Variants in MBD5 observed in about 807,000 individuals in gnomAD.
MBD5 encodes methyl-CpG binding domain protein 5, also known as methyl-CpG-binding domain protein 5.
Under a neutral mutation model 117.3 loss-of-function variants are expected in MBD5, and 13 were observed. The ratio of observed to expected loss-of-function variants is 0.11; its 90% CI spans 0.07 to 0.18. The LOEUF (loss-of-function observed/expected upper bound fraction) is 0.18. MBD5 is among the 10% of genes least tolerant of loss of function. The probability of loss-of-function intolerance (pLI) is 1.00; values close to 1 mark genes in which losing one functional copy is unlikely to be tolerated. For synonymous variants in MBD5, 727 were observed against 766.4 expected, an observed-to-expected ratio of 0.95 and a Z score of 0.85; for missense variants, 1,879 against 2,093.8, an observed-to-expected ratio of 0.90 and a Z score of 2.00.
chr2:148,283,213 T>G (rs994369105), intron 3 of MBD5, among the ~76,000 whole-genome samples: 3 of 152,144 alleles, frequency 2.0e-5, no homozygotes, highest in African/African-American at 7.2e-5. Flanking sequence ...TGATTGCATG[T>G]CTTTGTTACA....
chr2:148,117,509 A>G (rs1185060398), intron 1 of MBD5, among the ~76,000 whole-genome samples: 1 of 152,196 alleles, frequency 6.6e-6, no homozygotes, highest in East Asian at 1.9e-4. Flanking sequence ...TAGATATTGT[A>G]TAGAAAGCAG....
intron 1 of MBD5, among the ~76,000 whole-genome samples, chr2:148,171,805 C>T (rs1274217650): frequency 3.3e-5 from 5 of 152,138 alleles, no homozygotes; most frequent in African/African-American, 1.2e-4. Flanking sequence ...AAATCAGAAG[C>T]GTTTCTATAC....
intron 4 of MBD5, among the ~76,000 whole-genome samples, chr2:148,393,957 G>C (rs753183199): frequency 6.6e-6 from 1 of 152,190 alleles, no homozygotes; most frequent in African/African-American, 2.4e-5. Context: ...GAAAAGAAAA[G>C]GTTATGCTTA....
intron 3 of MBD5, among the ~76,000 whole-genome samples, chr2:148,282,129 C>T (rs1048294189): frequency 2.0e-5 from 3 of 152,020 alleles, no homozygotes; most frequent in East Asian, 1.9e-4. Flanking sequence ...ATACTTTATC[C>T]GTAATTGCTG....
At chr2:148,189,224 G>GC (rs1241308393) in intron 2 of MBD5, among the ~76,000 whole-genome samples, 1 of 147,938 alleles carries the variant, frequency 6.8e-6, no homozygotes, top group Admixed American at 6.7e-5. Context: ...AAACAAAGCA[G>GC]CCGGGAAGCT....
At chr2:148,160,498 G>T (rs958284634) in intron 1 of MBD5, among the ~76,000 whole-genome samples, 7 of 152,136 alleles carry the variant, frequency 4.6e-5, no homozygotes, top group African/African-American at 1.7e-4. Context: ...GAGTAGTGTG[G>T]CCATTATGTG....
In MBD5 at chr2:148,189,207, C is replaced by A. The variant is rs1317782008; in HGVS notation, c.-831+10414C>A. Among the ~76,000 whole-genome samples, 439 of 147,276 alleles carry A rather than the reference C, an allele frequency of 3.0e-3. 3 individuals are homozygous for A. The highest frequency in any genetic ancestry group is 0.011 in the African/African-American group (410 of 38,484). Reference sequence around the variant, plus strand: ...GGGCGCCCGCCATTGCTCAGGCTTGCTTAGGTAAACAAAGCAGCCGGGAAG... The same window carrying A: ...GGGCGCCCGCCATTGCTCAGGCTTGATTAGGTAAACAAAGCAGCCGGGAAG... On this transcript the variant is annotated intron_variant, in intron 2 of 13. Transcript: ENST00000642680.
chr2:148,477,828 T>A (rs532378272), intron 8 of MBD5, among the ~76,000 whole-genome samples: 2 of 152,186 alleles, frequency 1.3e-5, no homozygotes, highest in Non-Finnish European at 2.9e-5. Context: ...ATATGACTTA[T>A]TTCTTAGGTT....
intron 7 of MBD5, among the ~76,000 whole-genome samples, chr2:148,465,963 A>G (rs1316442457): frequency 1.3e-5 from 2 of 152,244 alleles, no homozygotes; most frequent in East Asian, 1.9e-4. Flanking sequence ...TCTTTGTCAT[A>G]CCTATACATA....
intron 4 of MBD5, among the ~76,000 whole-genome samples, chr2:148,398,753 C>G (rs1253581035): frequency 2.0e-5 from 3 of 152,126 alleles, no homozygotes; most frequent in Non-Finnish European, 2.9e-5. Context: ...ATGGTATTGC[C>G]TAGGTTTTCT....
intron 4 of MBD5, among the ~76,000 whole-genome samples, chr2:148,408,343 C>T (rs1010291940): frequency 2.6e-5 from 4 of 152,240 alleles, no homozygotes; most frequent in East Asian, 1.9e-4. Flanking sequence ...ACCTCCAAGT[C>T]GTTCCAGATT....
At chr2:148,198,954 G>A (rs1699065173) in intron 2 of MBD5, among the ~76,000 whole-genome samples, 1 of 151,304 alleles carries the variant, frequency 6.6e-6, no homozygotes, top group Non-Finnish European at 1.5e-5. Context: ...GTATGTATGT[G>A]TATATGTATA....
At chr2:148,048,177 T>G (rs1241496836) in intron 1 of MBD5, among the ~76,000 whole-genome samples, 1 of 152,148 alleles carries the variant, frequency 6.6e-6, no homozygotes, top group Non-Finnish European at 1.5e-5. Flanking sequence ...ACTAACTACC[T>G]CCTTCTCATG....
rs555333889 is a variant in MBD5, at chr2:148,384,692, C to T, written c.-557+42356C>T. Among the ~76,000 whole-genome samples, 1,323 of 152,024 alleles carry T rather than the reference C, an allele frequency of 8.7e-3. 25 individuals are homozygous for T. The highest frequency in any genetic ancestry group is 0.03 in the African/African-American group (1,262 of 41,420). On this transcript the variant is annotated intron_variant, in intron 4 of 13. Transcript: ENST00000642680. ...CAAAAGAACAAAGCTGGAGGCATCA[C>T]TCTACCTGACTTCAAACTATATTAC...
At chr2:148,440,810 C>A (rs1017189345) in intron 4 of MBD5, among the ~76,000 whole-genome samples, 2 of 152,118 alleles carry the variant, frequency 1.3e-5, no homozygotes, top group Non-Finnish European at 2.9e-5. Context: ...GGCAGGATAA[C>A]AAAAGGTTAC....
At chr2:148,217,467 C>CT (rs576651040) in intron 2 of MBD5, among the ~76,000 whole-genome samples, 16 of 152,206 alleles carry the variant, frequency 1.1e-4, no homozygotes, top group Non-Finnish European at 1.8e-4. Context: ...TGTCTTCCAC[C>CT]TTGGGCTTTG....
intron 4 of MBD5, among the ~76,000 whole-genome samples, chr2:148,385,138 G>C (rs6730848): frequency 0.74 from 112,475 of 151,416 alleles, 42,511 homozygotes; most frequent in African/African-American, 0.89. Flanking sequence ...TAAAGAGCTT[G>C]TGCACAGCAA....
At chr2:148,442,866 C>T (rs1218840060) in intron 4 of MBD5, among the ~76,000 whole-genome samples, 3 of 151,024 alleles carry the variant, frequency 2.0e-5, no homozygotes, top group African/African-American at 7.4e-5. Context: ...AACACAAGCA[C>T]AGGAAACAAA....
At chr2:148,290,628 C>G (rs1701479160) in intron 3 of MBD5, among the ~76,000 whole-genome samples, 2 of 152,120 alleles carry the variant, frequency 1.3e-5, no homozygotes, top group African/African-American at 4.8e-5. Context: ...ATTATTTTCT[C>G]TTCATTTCCT....
Sources: gnomAD v4.1 joint callset for allele counts (sites outside exome capture counted in the v4.1 genomes callset) on GRCh38, gnomAD v4.1.1 for gene constraint, MANE v1.5 for transcripts, NCBI Gene and HGNC (gene_info 2026-07-23, HGNC 2026-07-21) for gene names.